Variants in TEKT5 observed in about 807,000 individuals in gnomAD.
TEKT5 encodes the protein tektin-5.
TEKT5 carries 52 observed loss-of-function variants against 48.7 expected under a neutral mutation model. The observed-to-expected ratio is 1.07, with a 90% CI of 0.86 to 1.35. The LOEUF is 1.35. TEKT5 is among the 40% of genes most tolerant of loss of function. TEKT5 has a pLI of 0.00. For missense variants in TEKT5, 831 were observed against 641.6 expected (o/e 1.30, Z -3.19); for synonymous variants, 318 against 267.6 (o/e 1.19, Z -1.84).
intron 5 of TEKT5, among the ~76,000 whole-genome samples, chr16:10,643,250 A>G (rs1245714443): frequency 6.6e-6 from 1 of 151,898 alleles, no homozygotes; most frequent in Non-Finnish European, 1.5e-5. Flanking sequence ...CTGGTAGCTG[A>G]TGTCTATAGT....
At chr16:10,638,646 G>A (rs1029719366) in intron 5 of TEKT5, among the ~76,000 whole-genome samples, 1 of 152,176 alleles carries the variant, frequency 6.6e-6, no homozygotes, top group African/African-American at 2.4e-5. Context: ...CATCTTCATG[G>A]GGTCACCTGC....
At chr16:10,680,946 A>T (rs1219817654) in intron 4 of TEKT5, among the ~76,000 whole-genome samples, 1 of 151,254 alleles carries the variant, frequency 6.6e-6, no homozygotes, top group East Asian at 1.9e-4. Flanking sequence ...CGAGCATGGC[A>T]CATGTATACA....
At chr16:10,691,038 A>C (rs1270792536) in intron 1 of TEKT5, among the ~76,000 whole-genome samples, 1 of 152,180 alleles carries the variant, frequency 6.6e-6, no homozygotes, top group Admixed American at 6.5e-5. Flanking sequence ...GGGAGAGAAC[A>C]CCCATAAGAA....
rs551563904 is a variant in TEKT5 at position 10,665,382 on chromosome 16, T to C, written c.1086+10577A>G. ...AAAGCATATGATTGGCTGTCACCAT[T>C]TGAAGCCAGCCATGGGAGGAAAGAA... On this transcript the variant is annotated intron_variant, in intron 5 of 6. Coordinates refer to ENST00000283025, the MANE Select transcript of TEKT5 (RefSeq NM_144674.2). 7.9e-5 allele frequency among the ~76,000 whole-genome samples: 12 copies of C among 152,304 alleles called. No individual in the cohort carries two copies. The South Asian group carries it at 2.5e-3, about 32-fold the overall frequency.
chr16:10,652,724 C>CACACA, intron 5 of TEKT5, among the ~76,000 whole-genome samples: 1 of 104,502 alleles, frequency 9.6e-6, no homozygotes, highest in African/African-American at 4.4e-5. Context: ...CACACACACA[C>CACACA]CCTCCAGGCC....
chr16:10,682,120 G>A lies in TEKT5; in HGVS notation c.736C>T (p.Gln246Ter). The A allele has an allele frequency of 1.2e-6, 2 of 1,614,134 alleles. No individual in the cohort carries two copies. Among genetic ancestry groups the A allele is most frequent in the East Asian group, 2.2e-5 (1 of 44,876 alleles). The stretch of plus-strand genomic sequence containing the variant: ...TCGAGGTCCCTCTCCAGCACGTGCT[G>A]AGCATCCCGGTTATCCCTGCAGGGA... ...DIQMRDNRDA[Q>*]HVLERDLEDK... The change falls in exon 4 of 7, where the codon CAG (glutamine) becomes TAG (stop). Residue 246 changes from glutamine (Q) to a stop codon, truncating the protein, a stop_gained. Coordinates refer to ENST00000283025, the MANE Select transcript of TEKT5 (RefSeq NM_144674.2). LOFTEE classifies it high-confidence loss of function.
intron 5 of TEKT5, among the ~76,000 whole-genome samples, chr16:10,660,240 A>G (rs1466190298): frequency 1.3e-5 from 2 of 152,038 alleles, no homozygotes; most frequent in African/African-American, 4.8e-5. Flanking sequence ...TGCCTGTGTA[A>G]TAGAAAAGGG....
intron 5 of TEKT5, chr16:10,671,580 A>G (rs71381168): frequency 0.1 from 15,813 of 152,312 alleles, 841 homozygotes; most frequent in Non-Finnish European, 0.12. Context: ...AAGTCCATAG[A>G]GTAGTCAAAT....
intron 5 of TEKT5, among the ~76,000 whole-genome samples, chr16:10,658,430 A>C (rs77697422): frequency 0.027 from 4,095 of 152,320 alleles, 99 homozygotes; most frequent in Non-Finnish European, 0.037. Flanking sequence ...TCTAACACAC[A>C]CATACCAATA....
At chr16:10,656,289 T>A (rs1352952423) in intron 5 of TEKT5, among the ~76,000 whole-genome samples, 1 of 152,228 alleles carries the variant, frequency 6.6e-6, no homozygotes, top group Non-Finnish European at 1.5e-5. Context: ...GTCTTGCTCA[T>A]CACCTAGGCT....
chr16:10,667,594 A>C (rs1212304472), intron 5 of TEKT5, among the ~76,000 whole-genome samples: 12 of 152,204 alleles, frequency 7.9e-5, no homozygotes, highest in Admixed American at 7.9e-4. Flanking sequence ...CCAATTCACG[A>C]ATCATTCTTT....
chr16:10,643,417 T>A (rs963777258), intron 5 of TEKT5, among the ~76,000 whole-genome samples: 2 of 152,042 alleles, frequency 1.3e-5, no homozygotes, highest in Non-Finnish European at 2.9e-5. Flanking sequence ...ATAAAAAAAT[T>A]TACTGTATGA....
intron 3 of TEKT5, among the ~76,000 whole-genome samples, chr16:10,682,666 C>T (rs9932893): frequency 0.21 from 31,511 of 152,126 alleles, 4,069 homozygotes; most frequent in East Asian, 0.53. Flanking sequence ...AAGCACTTAC[C>T]GTAAAGGGTT....
At chr16:10,669,723 T>C (rs866927369) in intron 5 of TEKT5, among the ~76,000 whole-genome samples, 9 of 151,916 alleles carry the variant, frequency 5.9e-5, no homozygotes, top group Middle Eastern at 6.8e-3. Flanking sequence ...TATGCATCTT[T>C]TCCCCCTACA....
intron 4 of TEKT5, among the ~76,000 whole-genome samples, chr16:10,680,480 G>A (rs1013143463): frequency 7.5e-5 from 11 of 147,638 alleles, no homozygotes; most frequent in African/African-American, 1.5e-4. Context: ...TTTAACAGAA[G>A]AAGGCAGAAC....
intron 4 of TEKT5, 61 bp downstream of exon 4, chr16:10,681,932 A>T (rs1898760311): frequency 6.3e-7 from 1 of 1,582,940 alleles, no homozygotes; most frequent in South Asian, 1.2e-5. Flanking sequence ...CGTTGGCAGG[A>T]GCAGAAGCCC....
chr16:10,675,146 G>A (rs972752578), intron 5 of TEKT5, among the ~76,000 whole-genome samples: 2 of 152,092 alleles, frequency 1.3e-5, no homozygotes, highest in African/African-American at 4.8e-5. Flanking sequence ...GTACTGTTCT[G>A]CAAACACAAA....
intron 6 of TEKT5, among the ~76,000 whole-genome samples, chr16:10,632,709 G>C (rs764892499): frequency 8.5e-5 from 13 of 152,202 alleles, no homozygotes; most frequent in Non-Finnish European, 1.5e-4. Context: ...AAAGGAAAAA[G>C]ATGGCCCAAA....
chr16:10,637,635 A>G (rs1157292802), intron 5 of TEKT5, among the ~76,000 whole-genome samples: 1 of 152,260 alleles, frequency 6.6e-6, no homozygotes, highest in Non-Finnish European at 1.5e-5. Context: ...CTACATCTTG[A>G]TCTGAAGGTT....
Sources: gnomAD v4.1 joint callset for allele counts (sites outside exome capture counted in the v4.1 genomes callset) on GRCh38, gnomAD v4.1.1 for gene constraint, MANE v1.5 for transcripts, NCBI Gene and HGNC (gene_info 2026-07-23, HGNC 2026-07-21) for gene names.